STK26: variants seen among roughly 807,000 people sequenced by gnomAD.
STK26 encodes the protein serine/threonine-protein kinase 26.
Under a neutral mutation model 34.7 loss-of-function variants are expected in STK26, and 14 were observed. The ratio of observed to expected loss-of-function variants is 0.40; its 90% CI spans 0.27 to 0.63. The LOEUF (loss-of-function observed/expected upper bound fraction) is 0.63. STK26 is among the 30% of genes least tolerant of loss of function. STK26 has a pLI of 0.38. For synonymous variants in STK26, 100 were observed against 109.8 expected (o/e 0.91, Z 0.56); for missense variants, 226 against 309.1 (o/e 0.73, Z 2.02).
chrX:132,029,280 T>G (rs1298044472), intron 2 of STK26, among the ~76,000 whole-genome samples: 1 of 112,029 alleles, frequency 8.9e-6, no homozygotes, highest in African/African-American at 3.3e-5. Context: ...ATTGTATTTT[T>G]TATTCTGCTT....
intron 3 of STK26, among the ~76,000 whole-genome samples, chrX:132,060,214 G>A (rs1429894194): frequency 8.9e-6 from 1 of 111,886 alleles, no homozygotes; most frequent in African/African-American, 3.3e-5. Flanking sequence ...CCCCAGATAT[G>A]TGTTTATAAC....
At chrX:132,042,224 T>C (rs1166417531) in intron 2 of STK26, among the ~76,000 whole-genome samples, 5 of 111,153 alleles carry the variant, frequency 4.5e-5, no homozygotes, top group Non-Finnish European at 5.7e-5. Context: ...CAAGAGGAGA[T>C]TAACTCACAA....
chrX:132,026,305 C>G (rs1935098275), intron 2 of STK26, among the ~76,000 whole-genome samples: 1 of 111,737 alleles, frequency 8.9e-6, no homozygotes, highest in South Asian at 3.7e-4. Flanking sequence ...CAAACTCTTC[C>G]TTATGAATTA....
At chrX:132,028,257 G>GA (rs1275364259) in intron 2 of STK26, among the ~76,000 whole-genome samples, 1 of 109,992 alleles carries the variant, frequency 9.1e-6, no homozygotes, top group Admixed American at 9.7e-5. Flanking sequence ...GTACTATGAA[G>GA]AAAAAATTAA....
intron 2 of STK26, among the ~76,000 whole-genome samples, chrX:132,050,798 G>A (rs1282933233): frequency 9.0e-6 from 1 of 111,666 alleles, no homozygotes; most frequent in Non-Finnish European, 1.9e-5. Flanking sequence ...AGACCCATAT[G>A]CTTGCCTGGG....
intron 3 of STK26, chrX:132,055,612 C>T (rs1926831377): frequency 2.9e-6 from 2 of 697,076 alleles, no homozygotes; most frequent in Non-Finnish European, 4.2e-6. Context: ...TGAAGAAAAG[C>T]CCCCATGAAC....
intron 2 of STK26, among the ~76,000 whole-genome samples, chrX:132,033,000 C>A (rs777901488): frequency 3.6e-5 from 4 of 111,336 alleles, no homozygotes; most frequent in African/African-American, 9.8e-5. Flanking sequence ...CTTCTTCCCA[C>A]CCCCAGCTTT....
intron 2 of STK26, among the ~76,000 whole-genome samples, chrX:132,033,564 T>A (rs755386367): frequency 6.7e-4 from 75 of 112,157 alleles, no homozygotes; most frequent in Non-Finnish European, 1.3e-3. Flanking sequence ...AAATCCTTTG[T>A]TTGAACTTAG....
rs1414900843 is a variant in STK26, at chrX:132,074,631, T to C, written c.*472T>C. On this transcript the variant is annotated 3_prime_UTR_variant, in exon 12 of 12. Coordinates refer to ENST00000394334, the MANE Select transcript of STK26 (RefSeq NM_016542.4). ...GGGGAGGTGTAAATAAGTCATACCT[T>C]CTTAAAACAGAAAATTTAAGTAAAG... 9.0e-6 allele frequency: 1 copy of C among 111,167 alleles called. No homozygotes were observed. Among genetic ancestry groups the C allele is most frequent in the Non-Finnish European group, 1.9e-5 (1 of 53,084 alleles). The allele number at this position is 111,167 out of a possible 1,213,427, so 9.2% of individuals were successfully genotyped here. A position where few individuals can be genotyped will look rare whatever the true frequency, so the allele number is the denominator to read the frequency against.
At chrX:132,050,367 C>T (rs750640980) in intron 2 of STK26, among the ~76,000 whole-genome samples, 49 of 111,739 alleles carry the variant, frequency 4.4e-4, no homozygotes, top group African/African-American at 1.5e-3. Context: ...ACAAAGTGTA[C>T]GGGATATGTT....
chrX:132,033,372 A>G (rs1216020200), intron 2 of STK26, among the ~76,000 whole-genome samples: 1 of 112,334 alleles, frequency 8.9e-6, no homozygotes, highest in Non-Finnish European at 1.9e-5. Flanking sequence ...ACTACTAAGT[A>G]TGGTGACAGA....
intron 3 of STK26, among the ~76,000 whole-genome samples, chrX:132,060,963 A>G (rs1927034557): frequency 9.0e-6 from 1 of 111,555 alleles, no homozygotes; most frequent in Non-Finnish European, 1.9e-5. Flanking sequence ...TCAGATCTAG[A>G]AATTGAGTAG....
intron 4 of STK26, among the ~76,000 whole-genome samples, chrX:132,067,579 G>A (rs1157855182): frequency 8.9e-6 from 1 of 111,832 alleles, no homozygotes; most frequent in Non-Finnish European, 1.9e-5. Flanking sequence ...AAAGGGATAT[G>A]TGTTACATTT....
intron 3 of STK26, among the ~76,000 whole-genome samples, chrX:132,058,755 A>C (rs1926947866): frequency 2.7e-5 from 3 of 111,633 alleles, no homozygotes; most frequent in Admixed American, 9.5e-5. Flanking sequence ...GATTAAATCA[A>C]ATTATTTTTA....
intron 2 of STK26, among the ~76,000 whole-genome samples, chrX:132,037,076 G>T (rs1926079132): frequency 8.9e-6 from 1 of 111,796 alleles, no homozygotes; most frequent in South Asian, 3.7e-4. Context: ...TATGTATTCA[G>T]TAAAAATTGT....
intron 2 of STK26, among the ~76,000 whole-genome samples, chrX:132,028,175 T>TGGGTCTGTATGGG (rs1464102885): frequency 3.6e-5 from 4 of 109,655 alleles, no homozygotes; most frequent in Non-Finnish European, 7.6e-5. Context: ...ACAGAGGCTA[T>TGGGTCTGTATGGG]TTCAATGGGT....
chrX:132,032,559 T>C (rs1698464157), intron 2 of STK26, among the ~76,000 whole-genome samples: 1 of 111,747 alleles, frequency 8.9e-6, no homozygotes, highest in Admixed American at 9.5e-5. Flanking sequence ...TTCCCTCTCC[T>C]TCTATTACCT....
intron 4 of STK26, 117 bp downstream of exon 4, chrX:132,063,606 A>T: frequency 1.6e-6 from 1 of 608,079 alleles, no homozygotes; most frequent in Non-Finnish European, 2.5e-6. Context: ...TTTAGTTAAT[A>T]TGTTCAAATT....
At chrX:132,051,681 T>C (rs1252643697) in intron 2 of STK26, among the ~76,000 whole-genome samples, 1 of 111,095 alleles carries the variant, frequency 9.0e-6, no homozygotes, top group African/African-American at 3.3e-5. Context: ...ATGTGCCATG[T>C]TGGTTTGCTG....
Sources: allele counts gnomAD v4.1 joint callset (sites outside exome capture counted in the v4.1 genomes callset), GRCh38; gene constraint gnomAD v4.1.1; transcripts MANE v1.5; gene names NCBI Gene and HGNC (gene_info 2026-07-23, HGNC 2026-07-21).